The following FMO3 variants were observed in gnomAD, a reference collection of about 807,000 sequenced individuals.
The protein encoded by FMO3 is flavin-containing monooxygenase 3.
FMO3 carries 40 observed loss-of-function variants against 39.4 expected under a neutral mutation model. The observed-to-expected ratio is 1.02, with a 90% CI of 0.79 to 1.32. The LOEUF (loss-of-function observed/expected upper bound fraction) is 1.32, where lower values mean the gene tolerates loss of function less well. Among genes scored for constraint, FMO3 ranks in the 40% most tolerant of loss-of-function variants. The pLI is 0.00. For synonymous variants in FMO3, 219 were observed against 228.8 expected (o/e 0.96, Z 0.39); for missense variants, 680 against 651.8 (o/e 1.04, Z -0.47).
intron 3 of FMO3, among the ~76,000 whole-genome samples, chr1:171,105,626 A>G (rs1387639943): frequency 6.6e-6 from 1 of 151,890 alleles, no homozygotes; most frequent in African/African-American, 2.4e-5. Context: ...AACTTAAAGT[A>G]TAATAAAAAA....
chr1:171,096,035 A>AT (rs1654987457), intron 2 of FMO3, among the ~76,000 whole-genome samples: 2 of 65,130 alleles, frequency 3.1e-5, no homozygotes, highest in Non-Finnish European at 4.8e-5. Flanking sequence ...AATATATAAT[A>AT]TATATTATAT....
Position 171,096,072 on chromosome 1 carries a change from T to C in FMO3, c.132+3282T>C, listed in dbSNP as rs374066830. Among the ~76,000 whole-genome samples, 155 of 50,684 alleles carry C rather than the reference T, an allele frequency of 3.1e-3. 9 individuals carry two copies. The highest frequency in any genetic ancestry group is 0.014 in the African/African-American group (132 of 9,356). The allele number at this position is 50,684 out of a possible 152,430, so 33.3% of individuals were successfully genotyped here. On this transcript the variant is annotated intron_variant, in intron 2 of 8. Coordinates refer to ENST00000367755, the MANE Select transcript of FMO3 (RefSeq NM_001002294.3). The stretch of plus-strand genomic sequence containing the variant: ...TAAATATATAATATATATTATATAT[T>C]AATATATAATATATATTAATATTTT...
In FMO3 at chr1:171,107,742, A is replaced by G. The variant is rs1413108822; in HGVS notation, c.389A>G (p.Glu130Gly). The change falls in exon 4 of 9, where the codon GAA becomes GGA. Residue 130 changes from glutamate to glycine, a missense_variant. By Grantham distance (98) the Glu-to-Gly change is moderately conservative. Coordinates refer to ENST00000367755, the MANE Select transcript of FMO3 (RefSeq NM_001002294.3). ...ATTGQWDVTT[E>G]RDGKKESAVF... ...ACTGGCCAGTGGGATGTTACCACTG[A>G]AAGGGATGGTAAAAAAGAATCGGCT... 3 of 1,612,542 alleles carry G rather than the reference A, an allele frequency of 1.9e-6. No homozygotes were observed.
Position 171,103,879 on chromosome 1 carries a change from A to T in FMO3, c.227A>T (p.Asp76Val). 2 of 1,613,920 alleles carry T rather than the reference A, an allele frequency of 1.2e-6. No homozygotes were observed. The highest frequency in any genetic ancestry group is 1.7e-6 in the Non-Finnish European group (2 of 1,179,862). ...MMCFPDFPFP[D>V]DFPNFMHNSK... ...TGTTTCCCAGACTTCCCATTTCCCG[A>T]TGACTTCCCCAACTTTATGCACAAC... Residue 76 changes from aspartate (D) to valine (V), a missense_variant, in exon 3 of 9, where the codon GAT becomes GTT. Physicochemically the swap from Asp to Val is radical, Grantham distance 152 (BLOSUM62 -3). Transcript: ENST00000367755.
chr1:171,115,383 G>A (rs1656098982), intron 7 of FMO3, among the ~76,000 whole-genome samples: 1 of 151,812 alleles, frequency 6.6e-6, no homozygotes, highest in Admixed American at 6.6e-5. Flanking sequence ...CTAAAAAACA[G>A]TCTCTTTCTT....
intron 5 of FMO3, among the ~76,000 whole-genome samples, chr1:171,109,951 T>C (rs957633046): frequency 6.6e-6 from 1 of 152,150 alleles, no homozygotes; most frequent in East Asian, 1.9e-4. Flanking sequence ...ACTACACTAT[T>C]ATGGATTAGC....
intron 2 of FMO3, among the ~76,000 whole-genome samples, chr1:171,095,993 ATTTTT>A: frequency 1.8e-5 from 1 of 55,822 alleles, no homozygotes; most frequent in African/African-American, 7.5e-5. Flanking sequence ...TATTTTATAT[ATTTTT>A]ATATATTAAT....
chr1:171,105,325 T>C (rs1479987958), intron 3 of FMO3, among the ~76,000 whole-genome samples: 1 of 152,158 alleles, frequency 6.6e-6, no homozygotes, highest in Non-Finnish European at 1.5e-5. Context: ...CAAGATAATA[T>C]GAAATAGGAA....
intron 2 of FMO3, among the ~76,000 whole-genome samples, chr1:171,096,338 TA>T (rs1233610544): frequency 9.6e-5 from 9 of 93,796 alleles, no homozygotes; most frequent in East Asian, 6.5e-4. Context: ...ATAAAATATA[TA>T]AATATATATA....
intron 2 of FMO3, 70 bp from the exon 3 acceptor site, chr1:171,103,715 G>T: frequency 7.5e-7 from 1 of 1,327,252 alleles, no homozygotes; most frequent in East Asian, 2.3e-5. Context: ...TAATTACTTG[G>T]AACCAGCCCT....
intron 6 of FMO3, among the ~76,000 whole-genome samples, chr1:171,111,721 T>G (rs1306761160): frequency 6.6e-6 from 1 of 152,232 alleles, no homozygotes; most frequent in Non-Finnish European, 1.5e-5. Flanking sequence ...AGTTACGAGC[T>G]GTTTTCATCA....
At chr1:171,109,110 C>T (rs1272079090) in intron 5 of FMO3, among the ~76,000 whole-genome samples, 1 of 152,104 alleles carries the variant, frequency 6.6e-6, no homozygotes, top group African/African-American at 2.4e-5. Flanking sequence ...TAAATGGGCT[C>T]CTTTGCTTGT....
In FMO3 at chr1:171,117,248, T is replaced by C; in HGVS notation, c.1405T>C (p.Tyr469His). 6.2e-7 allele frequency: 1 copy of C among 1,614,152 alleles called. No homozygotes were observed. Among genetic ancestry groups the C allele is most frequent in the Middle Eastern group, 1.6e-4 (1 of 6,062 alleles). Reference protein sequence around the residue: ...MEVYFGPCSPYQFRLVGPGQW... With the variant: ...MEVYFGPCSPHQFRLVGPGQW... ...AGTTTATTTTGGCCCTTGTAGTCCC[T>C]ACCAGTTTAGGCTGGTGGGCCCAGG... Residue 469 changes from tyrosine to histidine, a missense_variant, in exon 9 of 9, where the codon TAC becomes CAC. Physicochemically the swap from Tyr to His is moderately conservative, Grantham distance 83. Coordinates refer to ENST00000367755, the MANE Select transcript of FMO3 (RefSeq NM_001002294.3).
At chr1:171,101,953 T>C (rs1655415019) in intron 2 of FMO3, 1 of 351,620 alleles carries the variant, frequency 2.8e-6, no homozygotes. Context: ...ATTTTTTTCT[T>C]TAATGTTTCT....
intron 2 of FMO3, among the ~76,000 whole-genome samples, chr1:171,102,177 C>T (rs1655427054): frequency 6.6e-6 from 1 of 152,166 alleles, no homozygotes; most frequent in Admixed American, 6.5e-5. Flanking sequence ...GAAACTGCAG[C>T]CACATTGGCT....
intron 2 of FMO3, among the ~76,000 whole-genome samples, chr1:171,097,867 G>A (rs28866833): frequency 0.53 from 80,617 of 151,768 alleles, 22,066 homozygotes; most frequent in African/African-American, 0.68. Flanking sequence ...GTCCTTGCCC[G>A]TGCCTATGTC....
At chr1:171,115,339 A>G (rs1366589699) in intron 7 of FMO3, among the ~76,000 whole-genome samples, 1 of 152,188 alleles carries the variant, frequency 6.6e-6, no homozygotes, top group Admixed American at 6.6e-5. Flanking sequence ...AAGAGGGGCT[A>G]GTTACAAGCA....
chr1:171,103,391 A>G (rs1363080567), intron 2 of FMO3, among the ~76,000 whole-genome samples: 1 of 152,192 alleles, frequency 6.6e-6, no homozygotes, highest in Non-Finnish European at 1.5e-5. Context: ...TGGATAAAGG[A>G]TGACTCAAAT....
At chr1:171,116,110 A>G (rs1047124268) in intron 7 of FMO3, 98 bp from the exon 8 acceptor site, 60 of 767,730 alleles carry the variant, frequency 7.8e-5, no homozygotes, top group Middle Eastern at 3.6e-4. Flanking sequence ...ATGAACACCA[A>G]TTAATGTAAT....
Sources: allele counts gnomAD v4.1 joint callset (sites outside exome capture counted in the v4.1 genomes callset), GRCh38; gene constraint gnomAD v4.1.1; transcripts MANE v1.5; gene names NCBI Gene and HGNC (gene_info 2026-07-23, HGNC 2026-07-21).